The following BCLAF1 variants were observed in gnomAD, a reference collection of about 807,000 sequenced individuals.
BCLAF1 encodes bcl-2-associated transcription factor 1.
Under a neutral mutation model 99.5 loss-of-function variants are expected in BCLAF1, and 10 were observed. The observed-to-expected ratio is 0.10, with a 90% CI of 0.06 to 0.17. The LOEUF (loss-of-function observed/expected upper bound fraction) is 0.17, where lower values mean the gene tolerates loss of function less well. BCLAF1 is among the 10% of genes least tolerant of loss of function. The probability of loss-of-function intolerance (pLI) is 1.00; values close to 1 mark genes in which losing one functional copy is unlikely to be tolerated. For synonymous variants in BCLAF1, 255 were observed against 370.9 expected, an observed-to-expected ratio of 0.69 and a Z score of 3.59; for missense variants, 636 against 1,105.8, an observed-to-expected ratio of 0.58 and a Z score of 6.02.
At chr6:136,288,481 A>G (rs1019623253) in intron 1 of BCLAF1, among the ~76,000 whole-genome samples, 4 of 152,244 alleles carry the variant, frequency 2.6e-5, no homozygotes, top group African/African-American at 9.6e-5. Flanking sequence ...TAACCATTCC[A>G]ACTAAAGTCG....
At chr6:136,261,156 G>A (rs376948280) in intron 12 of BCLAF1, 41 bp from the exon 13 acceptor site, 70 of 1,568,654 alleles carry the variant, frequency 4.5e-5, no homozygotes, top group South Asian at 1.1e-4. Flanking sequence ...CAAAAGATGC[G>A]GAGAGTGAAA....
chr6:136,269,097 G>A, intron 9 of BCLAF1: 1 of 1,148,876 alleles, frequency 8.7e-7, no homozygotes, highest in Non-Finnish European at 1.1e-6. Flanking sequence ...GGTGTTATGA[G>A]TTGAAAAAGT....
At position 136,273,202 on chromosome 6, in the gene BCLAF1, G is replaced by A. The variant is rs753003328; in HGVS notation, c.1853-15C>T. 8 of 1,603,036 alleles carry A rather than the reference G, an allele frequency of 5.0e-6. No individual in the cohort carries two copies. The African/African-American group carries it at 8.1e-5, about 16-fold the overall frequency. Reference sequence around the variant, plus strand: ...GAAGTATTGCTCTGTTGATTTAGAAGAAATACTGTCCGATTAGTTAACTTT... The same window carrying A: ...GAAGTATTGCTCTGTTGATTTAGAAAAAATACTGTCCGATTAGTTAACTTT... On this transcript the variant is annotated splice_polypyrimidine_tract_variant and intron_variant, in intron 6 of 12. Transcript: ENST00000531224.
chr6:136,277,314 T>TATAGCTGC (rs1783570438), intron 4 of BCLAF1, among the ~76,000 whole-genome samples: 1 of 152,192 alleles, frequency 6.6e-6, no homozygotes, highest in Admixed American at 6.5e-5. Flanking sequence ...GAACATGCAA[T>TATAGCTGC]ATAGCTGCAT....
At chr6:136,266,175 G>GT (rs1781689974) in intron 11 of BCLAF1, among the ~76,000 whole-genome samples, 1 of 152,000 alleles carries the variant, frequency 6.6e-6, no homozygotes, top group Non-Finnish European at 1.5e-5. Flanking sequence ...CTCTAAGTAG[G>GT]TATGTCATGG....
chr6:136,269,442 A>G lies in BCLAF1; in HGVS notation c.2214T>C (p.Asp738=). 1 of 1,605,690 alleles carries G rather than the reference A, an allele frequency of 6.2e-7. No individual in the cohort carries two copies. Among genetic ancestry groups the G allele is most frequent in the Non-Finnish European group, 8.5e-7 (1 of 1,176,884 alleles). ...KDYKEYKSYK[D]DSKHKREQDH... Reference sequence around the variant, plus strand: ...TAGTCAGTTTGAACAATTACCTGTCATCTTTGTAAGATTTGTATTCCTTGT... The same window carrying G: ...TAGTCAGTTTGAACAATTACCTGTCGTCTTTGTAAGATTTGTATTCCTTGT... The change falls in exon 9 of 13, where the codon GAT becomes GAC. Residue 738 remains aspartate, a synonymous_variant. Coordinates refer to ENST00000531224, the MANE Select transcript of BCLAF1 (RefSeq NM_014739.3).
Position 136,260,964 on chromosome 6 carries a change from T to G in BCLAF1, c.*146A>C, listed in dbSNP as rs554055107. The G allele has an allele frequency of 2.5e-6, 2 of 809,136 alleles. No individual in the cohort carries two copies. Among genetic ancestry groups the G allele is most frequent in the Admixed American group, 6.5e-5 (2 of 30,568 alleles). 50.1% of individuals were successfully genotyped at this position (809,136 alleles called of 1,614,324 possible). ...TACAGTCTACTATTTCTCAAGATAT[T>G]TGAAGACTTAAAACAAAATTTCTAT... On this transcript the variant is annotated 3_prime_UTR_variant, in exon 13 of 13. Coordinates refer to ENST00000531224, the MANE Select transcript of BCLAF1 (RefSeq NM_014739.3).
chr6:136,261,129 A>G lies in BCLAF1; in HGVS notation c.2758-14T>C, dbSNP rs1780914155. 1 of 1,576,556 alleles carries G rather than the reference A, an allele frequency of 6.3e-7. No individual in the cohort carries two copies. Among genetic ancestry groups the G allele is most frequent in the African/African-American group, 1.4e-5 (1 of 73,014 alleles). ...TATTTATTATTCCTAAAAGAGAGAG[A>G]AAAAATTAAAGATTAACAAAAGATG... On this transcript the variant is annotated splice_polypyrimidine_tract_variant and intron_variant, in intron 12 of 12. Coordinates refer to ENST00000531224, the MANE Select transcript of BCLAF1 (RefSeq NM_014739.3).
intron 8 of BCLAF1, 86 bp from the exon 9 acceptor site, chr6:136,269,698 C>G (rs553537008): frequency 9.5e-7 from 1 of 1,050,132 alleles, no homozygotes; most frequent in East Asian, 2.8e-5. Flanking sequence ...AATTTTATGC[C>G]AGCTTCTAAA....
chr6:136,272,098 A>C lies in BCLAF1; in HGVS notation c.1959-19T>G. Reference sequence around the variant, plus strand: ...AATTCTCCTTAATGTAAAATAAAATATATTTTTAGTCATATTATTAACTTT... The same window carrying C: ...AATTCTCCTTAATGTAAAATAAAATCTATTTTTAGTCATATTATTAACTTT... On this transcript the variant is annotated intron_variant, in intron 7 of 12. Transcript: ENST00000531224. 6.7e-7 allele frequency: 1 copy of C among 1,502,994 alleles called. No individual in the cohort carries two copies. Among genetic ancestry groups the C allele is most frequent in the South Asian group, 1.2e-5 (1 of 81,620 alleles). 93.1% of individuals were successfully genotyped at this position (1,502,994 alleles called of 1,614,324 possible).
chr6:136,275,831 A>C lies in BCLAF1; in HGVS notation c.1682+12T>G. ...CCCACAGATTATTTACTGGGCATCAATATGGAATTACCTGTTAGAATCATC... is the reference window on the plus strand; with the variant it reads ...CCCACAGATTATTTACTGGGCATCACTATGGAATTACCTGTTAGAATCATC... On this transcript the variant is annotated intron_variant, in intron 5 of 12. Coordinates refer to ENST00000531224, the MANE Select transcript of BCLAF1 (RefSeq NM_014739.3). The C allele has an allele frequency of 6.2e-7, 1 of 1,605,514 alleles. No individual in the cohort carries two copies. The highest frequency in any genetic ancestry group is 8.5e-7 in the Non-Finnish European group (1 of 1,175,578).
At chr6:136,269,648 G>A (rs1403479246) in intron 8 of BCLAF1, 36 bp from the exon 9 acceptor site, 4 of 1,497,176 alleles carry the variant, frequency 2.7e-6, no homozygotes, top group Non-Finnish European at 3.6e-6. Context: ...GATTTCAGGG[G>A]AGAAATAGAA....
chr6:136,280,522 A>G (rs906933415), intron 2 of BCLAF1, among the ~76,000 whole-genome samples: 24 of 152,180 alleles, frequency 1.6e-4, no homozygotes, highest in Non-Finnish European at 5.9e-5. Context: ...GTTCACCCTG[A>G]AGCTTTCTGT....
rs369890576 is a variant in BCLAF1 at position 136,269,561 on chromosome 6, G to C, written c.2095C>G (p.Arg699Gly). The change falls in exon 9 of 13, where the codon CGC becomes GGC. Residue 699 changes from arginine to glycine, a missense_variant. Arg to Gly is a moderately radical substitution (Grantham distance 125, BLOSUM62 -2). Coordinates refer to ENST00000531224, the MANE Select transcript of BCLAF1 (RefSeq NM_014739.3). ...DSADLRHDID[R>G]RRKERSKERG... Reference sequence around the variant, plus strand: ...TCTTTACTTCTTTCTTTTCTACGGCGATCAATGTCATGCCGAAGGTCAGCA... The same window carrying C: ...TCTTTACTTCTTTCTTTTCTACGGCCATCAATGTCATGCCGAAGGTCAGCA... 9 of 1,611,512 alleles carry C rather than the reference G, an allele frequency of 5.6e-6. No individual in the cohort carries two copies. Among genetic ancestry groups the C allele is most frequent in the Non-Finnish European group, 1.7e-6 (2 of 1,178,814 alleles).
In BCLAF1 at chr6:136,278,332, T is replaced by C. The variant is rs1190019188; in HGVS notation, c.549A>G (p.Ser183=). The change falls in exon 4 of 13, where the codon TCA becomes TCG. Residue 183 remains serine (S), a synonymous_variant. Transcript: ENST00000531224. ...CAAATGTATCTTTCGGTTCCTCCTG[T>C]GATTTACTTTTCAACGGACTCTCTT... is the stretch of plus-strand genomic sequence containing the variant. ...PQEESPLKSK[S]QEEPKDTFEH... The C allele has an allele frequency of 6.2e-7, 1 of 1,614,138 alleles. No individual in the cohort carries two copies. Among genetic ancestry groups the C allele is most frequent in the Non-Finnish European group, 8.5e-7 (1 of 1,179,978 alleles).
At position 136,277,511 on chromosome 6, in the gene BCLAF1, G is replaced by A. The variant is rs1031157674; in HGVS notation, c.1016+354C>T. On this transcript the variant is annotated intron_variant, in intron 4 of 12. Coordinates refer to ENST00000531224, the MANE Select transcript of BCLAF1 (RefSeq NM_014739.3). ...CGAAAATGGTAAAATTAAGAGGAGG[G>A]ATAGAAATTAGGTTTTTTTAATTCT... Among the ~76,000 whole-genome samples, 16 of 152,168 alleles carry A rather than the reference G, an allele frequency of 1.1e-4. 1 individual carries two copies. The highest frequency in any genetic ancestry group is 7.9e-4 in the Admixed American group (12 of 15,268).
At chr6:136,282,406 AC>A (rs1784494729) in intron 2 of BCLAF1, among the ~76,000 whole-genome samples, 177 bp downstream of exon 2, 1 of 152,126 alleles carries the variant, frequency 6.6e-6, no homozygotes, top group Non-Finnish European at 1.5e-5. Flanking sequence ...CAGAAAAAGA[AC>A]CTTTTTCCTA....
intron 2 of BCLAF1, among the ~76,000 whole-genome samples, chr6:136,280,636 A>C (rs1784262708): frequency 6.6e-6 from 1 of 152,232 alleles, no homozygotes; most frequent in Admixed American, 6.5e-5. Context: ...CAGTAGTTTA[A>C]CTTTTCTAAA....
intron 11 of BCLAF1, among the ~76,000 whole-genome samples, chr6:136,265,013 A>T (rs529523350): frequency 6.6e-6 from 1 of 152,340 alleles, no homozygotes; most frequent in African/African-American, 2.4e-5. Context: ...ACTCAAGAGA[A>T]TGCCATAGAA....
Sources: allele counts gnomAD v4.1 joint callset (sites outside exome capture counted in the v4.1 genomes callset), GRCh38; gene constraint gnomAD v4.1.1; transcripts MANE v1.5; gene names NCBI Gene and HGNC (gene_info 2026-07-23, HGNC 2026-07-21).